The following CPQ variants were observed in gnomAD, a reference collection of about 807,000 sequenced individuals.
CPQ encodes the protein carboxypeptidase Q, also known as Ser-Met dipeptidase.
Under a neutral mutation model 45.7 loss-of-function variants are expected in CPQ, and 37 were observed. The ratio of observed to expected loss-of-function variants is 0.81; its 90% CI spans 0.62 to 1.07. The LOEUF is 1.07. Ranked by LOEUF, CPQ falls within the 50% of genes least tolerant of loss-of-function variation. The pLI is 0.00. For missense variants in CPQ, 537 were observed against 572.9 expected, an observed-to-expected ratio of 0.94 and a Z score of 0.64; for synonymous variants, 186 against 205.8, an observed-to-expected ratio of 0.90 and a Z score of 0.82.
chr8:96,674,291 T>G (rs909239590), intron 1 of CPQ, among the ~76,000 whole-genome samples: 11 of 152,198 alleles, frequency 7.2e-5, no homozygotes, highest in African/African-American at 2.7e-4. Flanking sequence ...CTTAATGATG[T>G]TGTGGTTAAA....
chr8:96,693,609 G>A (rs113980300), intron 1 of CPQ, among the ~76,000 whole-genome samples: 3,693 of 152,150 alleles, frequency 0.024, 166 homozygotes, highest in African/African-American at 0.084. Context: ...AGTATATCCA[G>A]CAAAAATATT....
chr8:96,829,519 A>G (rs1020279806), intron 2 of CPQ, among the ~76,000 whole-genome samples: 1 of 152,136 alleles, frequency 6.6e-6, no homozygotes, highest in Admixed American at 6.6e-5. Flanking sequence ...AAGATCATAG[A>G]GTGTCCCACT....
intron 1 of CPQ, among the ~76,000 whole-genome samples, chr8:96,700,412 G>A: frequency 6.6e-6 from 1 of 152,124 alleles, no homozygotes; most frequent in East Asian, 1.9e-4. Flanking sequence ...GTGGCATCTA[G>A]TTATGAGATA....
intron 5 of CPQ, among the ~76,000 whole-genome samples, chr8:97,013,678 T>C (rs1184438238): frequency 2.0e-5 from 3 of 151,878 alleles, no homozygotes; most frequent in Non-Finnish European, 2.9e-5. Context: ...GGAAAGAAAG[T>C]GAGGAGGCCA....
intron 5 of CPQ, among the ~76,000 whole-genome samples, chr8:96,999,839 A>G (rs1165313985): frequency 6.6e-6 from 1 of 152,032 alleles, no homozygotes; most frequent in Non-Finnish European, 1.5e-5. Flanking sequence ...GGCTGAACTA[A>G]CTTACACTCC....
intron 6 of CPQ, among the ~76,000 whole-genome samples, chr8:97,058,006 GC>G (rs953882226): frequency 6.6e-6 from 1 of 152,114 alleles, no homozygotes; most frequent in African/African-American, 2.4e-5. Context: ...AGAAGGAAAG[GC>G]CCGCCTAAGA....
intron 5 of CPQ, among the ~76,000 whole-genome samples, chr8:96,970,762 AC>A (rs1316054650): frequency 2.0e-5 from 3 of 151,942 alleles, no homozygotes; most frequent in Non-Finnish European, 4.4e-5. Flanking sequence ...ACGGGGTTTC[AC>A]CGTGTTAGCC....
intron 5 of CPQ, among the ~76,000 whole-genome samples, chr8:97,014,497 A>G (rs976519180): frequency 6.6e-6 from 1 of 152,064 alleles, no homozygotes; most frequent in Non-Finnish European, 1.5e-5. Flanking sequence ...CTAAAAATAT[A>G]AAACTAGCTG....
At chr8:96,809,942 C>T (rs527628815) in intron 2 of CPQ, among the ~76,000 whole-genome samples, 72 of 152,204 alleles carry the variant, frequency 4.7e-4, no homozygotes, top group African/African-American at 1.7e-3. Context: ...CTCTAGTGAA[C>T]ACCCAACTTG....
At chr8:96,683,387 C>T (rs1439181044) in intron 1 of CPQ, among the ~76,000 whole-genome samples, 1 of 152,070 alleles carries the variant, frequency 6.6e-6, no homozygotes, top group Non-Finnish European at 1.5e-5. Context: ...ACTGTTAGTC[C>T]TAATCAGACT....
chr8:96,684,727 G>A (rs1809203176), intron 1 of CPQ, among the ~76,000 whole-genome samples: 1 of 152,080 alleles, frequency 6.6e-6, no homozygotes, highest in South Asian at 2.1e-4. Flanking sequence ...CAGCAGCAGG[G>A]AAAGTGAGCC....
At chr8:96,848,061 G>T (rs1025485530) in intron 3 of CPQ, among the ~76,000 whole-genome samples, 3 of 151,918 alleles carry the variant, frequency 2.0e-5, no homozygotes, top group Non-Finnish European at 1.5e-5. Context: ...GTTGTGAAGG[G>T]GTAACTAGCC....
intron 1 of CPQ, among the ~76,000 whole-genome samples, chr8:96,722,265 C>T (rs1379994091): frequency 6.6e-6 from 1 of 152,012 alleles, no homozygotes; most frequent in African/African-American, 2.4e-5. Flanking sequence ...CTTGTGGGTT[C>T]CTTATGTCTT....
At chr8:96,839,737 TG>T (rs1353038536) in intron 3 of CPQ, among the ~76,000 whole-genome samples, 3 of 152,118 alleles carry the variant, frequency 2.0e-5, no homozygotes, top group African/African-American at 7.2e-5. Flanking sequence ...GGTAAGAACA[TG>T]TAAGTGATTA....
At position 96,809,796 on chromosome 8, in the gene CPQ, T is replaced by C. The variant is rs143317052; in HGVS notation, c.433+24466T>C. Among the ~76,000 whole-genome samples the C allele has an allele frequency of 3.9e-3, 596 of 152,058 alleles. 6 individuals are homozygous for C. Among genetic ancestry groups the C allele is most frequent in the Non-Finnish European group, 7.2e-3 (486 of 67,960 alleles). ...AAAAATAGTTCCCTCATGAAAAAAA[T>C]AGAAAATGCAATGTTGAAAGAGAAA... On this transcript the variant is annotated intron_variant, in intron 2 of 7. Transcript: ENST00000220763.
At chr8:96,660,403 G>A (rs1815685761) in intron 1 of CPQ, among the ~76,000 whole-genome samples, 11 of 152,138 alleles carry the variant, frequency 7.2e-5, no homozygotes. Flanking sequence ...CTCTTTCAAA[G>A]CCCCATTTTC....
chr8:96,700,183 G>A (rs188290121), intron 1 of CPQ, among the ~76,000 whole-genome samples: 1 of 152,184 alleles, frequency 6.6e-6, no homozygotes, highest in African/African-American at 2.4e-5. Flanking sequence ...ATGTGTGGGG[G>A]CATGTATGTA....
At chr8:96,749,447 A>G (rs1215072458) in intron 1 of CPQ, among the ~76,000 whole-genome samples, 2 of 152,248 alleles carry the variant, frequency 1.3e-5, no homozygotes, top group Admixed American at 6.5e-5. Context: ...ATTAGGGCCA[A>G]TACTTTGATA....
At chr8:96,858,880 A>T (rs1395570343) in intron 3 of CPQ, among the ~76,000 whole-genome samples, 1 of 152,078 alleles carries the variant, frequency 6.6e-6, no homozygotes, top group Admixed American at 6.6e-5. Flanking sequence ...GTTCCCATGC[A>T]CTGACATATG....
Sources: gnomAD v4.1 joint callset for allele counts (sites outside exome capture counted in the v4.1 genomes callset) on GRCh38, gnomAD v4.1.1 for gene constraint, MANE v1.5 for transcripts, NCBI Gene and HGNC (gene_info 2026-07-23, HGNC 2026-07-21) for gene names.